The following XPO7 variants were observed in gnomAD, a reference collection of about 807,000 sequenced individuals.
XPO7 encodes exportin-7.
In XPO7, 21 loss-of-function variants were observed where a neutral mutation model predicts 144.3. The observed-to-expected ratio is 0.15, with a 90% confidence interval of 0.10 to 0.21. The LOEUF (loss-of-function observed/expected upper bound fraction) is 0.21. Among genes scored for constraint, XPO7 ranks in the 10% least tolerant of loss-of-function variants. The pLI is 1.00. For missense variants in XPO7, 808 were observed against 1,325.8 expected (o/e 0.61, Z 6.06); for synonymous variants, 580 against 499.6 (o/e 1.16, Z -2.15).
Position 22,002,278 on chromosome 8 carries a change from A to C in XPO7, c.2943+6A>C. On this transcript the variant is annotated splice_donor_region_variant and intron_variant, in intron 25 of 27. Coordinates refer to ENST00000252512, the MANE Select transcript of XPO7 (RefSeq NM_015024.5). ...ATCCAGAGATGATCCAGCAGGTAAG[A>C]AAGTGGAGGCTTAGGAGGCAGTGAT... 1 of 1,611,612 alleles carries C rather than the reference A, an allele frequency of 6.2e-7. No homozygotes were observed. The highest frequency in any genetic ancestry group is 8.5e-7 in the Non-Finnish European group (1 of 1,178,994).
chr8:21,945,125 A>T (rs1413140349), intron 1 of XPO7, among the ~76,000 whole-genome samples: 2 of 151,868 alleles, frequency 1.3e-5, no homozygotes, highest in Non-Finnish European at 2.9e-5. Flanking sequence ...TGTTGGGTAC[A>T]CCTCCCAGAC....
intron 6 of XPO7, among the ~76,000 whole-genome samples, chr8:21,975,122 G>GT (rs1452626591): frequency 6.6e-6 from 1 of 152,186 alleles, no homozygotes; most frequent in Non-Finnish European, 1.5e-5. Context: ...TTTCTATATG[G>GT]TGCGAAAGCA....
chr8:21,966,271 G>T (rs369363595), intron 1 of XPO7: 2 of 780,190 alleles, frequency 2.6e-6, no homozygotes, highest in African/African-American at 3.4e-5. Flanking sequence ...TGCAACAGAA[G>T]AGAGTCTGCT....
intron 1 of XPO7, among the ~76,000 whole-genome samples, chr8:21,940,786 A>G (rs1810964818): frequency 6.6e-6 from 1 of 152,006 alleles, no homozygotes; most frequent in South Asian, 2.1e-4. Flanking sequence ...AGGCATTTTC[A>G]TCGTCCTGTA....
intron 1 of XPO7, among the ~76,000 whole-genome samples, chr8:21,927,973 T>C (rs1288379943): frequency 6.6e-6 from 1 of 152,214 alleles, no homozygotes; most frequent in African/African-American, 2.4e-5. Context: ...AAATCTTTCC[T>C]TTTTACTAAA....
chr8:21,989,189 C>T, intron 16 of XPO7, 106 bp downstream of exon 16: 1 of 1,015,066 alleles, frequency 9.9e-7, no homozygotes, highest in Non-Finnish European at 1.4e-6. Flanking sequence ...GTAGTGTGTA[C>T]TCACATATCT....
At chr8:21,944,727 C>G (rs1288480915) in intron 1 of XPO7, among the ~76,000 whole-genome samples, 1 of 151,996 alleles carries the variant, frequency 6.6e-6, no homozygotes, top group African/African-American at 2.4e-5. Flanking sequence ...ACAAAGGTCT[C>G]CGGTTTTCCT....
intron 5 of XPO7, among the ~76,000 whole-genome samples, chr8:21,974,122 C>T (rs201132819): frequency 6.6e-6 from 1 of 152,024 alleles, no homozygotes; most frequent in Non-Finnish European, 1.5e-5. Flanking sequence ...AGTGCAGCCA[C>T]GAATGCCTGG....
chr8:21,946,019 C>T (rs1188765532), intron 1 of XPO7, among the ~76,000 whole-genome samples: 1 of 152,144 alleles, frequency 6.6e-6, no homozygotes, highest in Non-Finnish European at 1.5e-5. Flanking sequence ...GTTGTTAGCT[C>T]CCCATAGCCA....
intron 1 of XPO7, among the ~76,000 whole-genome samples, chr8:21,920,064 T>C (rs1429455317): frequency 6.6e-6 from 1 of 151,532 alleles, no homozygotes; most frequent in African/African-American, 2.4e-5. Context: ...CCCACAACGT[T>C]CGTCAGTCAC....
rs1585451954 is a variant in XPO7, at chr8:21,969,473, C to T, written c.166-10C>T. 6.2e-7 allele frequency: 1 copy of T among 1,611,246 alleles called. No individual in the cohort carries two copies. The highest frequency in any genetic ancestry group is 1.7e-5 in the Admixed American group (1 of 59,728). ...ACAATTTTAAGTCCTTTTTCCCTCT[C>T]TTTTCACAGTCCTCTTACTCCCAGT... On this transcript the variant is annotated splice_polypyrimidine_tract_variant and intron_variant, in intron 2 of 27. Transcript: ENST00000252512.
At chr8:21,981,991 G>T in intron 10 of XPO7, 114 bp downstream of exon 10, 1 of 1,382,910 alleles carries the variant, frequency 7.2e-7, no homozygotes. Flanking sequence ...CATAAGTCCA[G>T]TATAGCCCTA....
At chr8:21,993,667 A>G (rs1397474280) in intron 19 of XPO7, among the ~76,000 whole-genome samples, 1 of 151,818 alleles carries the variant, frequency 6.6e-6, no homozygotes, top group East Asian at 1.9e-4. Flanking sequence ...TGACTGGGGG[A>G]AGTTTTTTGG....
At chr8:21,923,935 A>G (rs1377765915) in intron 1 of XPO7, among the ~76,000 whole-genome samples, 1 of 152,190 alleles carries the variant, frequency 6.6e-6, no homozygotes, top group African/African-American at 2.4e-5. Context: ...TTGAAACTGC[A>G]TCTTTTTAAA....
intron 11 of XPO7, among the ~76,000 whole-genome samples, 169 bp from the exon 12 acceptor site, chr8:21,984,477 A>T (rs969721750): frequency 2.0e-5 from 3 of 152,224 alleles, no homozygotes; most frequent in Non-Finnish European, 4.4e-5. Context: ...GGGCGAAGAC[A>T]TTGGCCTTCT....
chr8:21,977,313 G>A (rs554241346), intron 7 of XPO7, among the ~76,000 whole-genome samples: 1 of 152,348 alleles, frequency 6.6e-6, no homozygotes, highest in East Asian at 1.9e-4. Context: ...GGGCGTGGTG[G>A]CTCACGCCTG....
At chr8:21,988,952 A>T (rs1413074834) in intron 15 of XPO7, 51 bp from the exon 16 acceptor site, 2 of 1,565,690 alleles carry the variant, frequency 1.3e-6, no homozygotes, top group East Asian at 4.5e-5. Flanking sequence ...CCTCAAGGAA[A>T]CCAGCAAATC....
At chr8:21,995,643 T>A (rs376982950) in intron 21 of XPO7, 44 bp downstream of exon 21, 6 of 1,450,560 alleles carry the variant, frequency 4.1e-6, no homozygotes, top group Non-Finnish European at 5.7e-6. Flanking sequence ...TGCCCTGTTA[T>A]CTGAGAGAAT....
intron 19 of XPO7, among the ~76,000 whole-genome samples, chr8:21,993,833 G>C (rs1225634781): frequency 6.6e-6 from 1 of 151,750 alleles, no homozygotes; most frequent in African/African-American, 2.4e-5. Context: ...GGGTATATAT[G>C]GCTCTTCTAC....
Sources: allele counts gnomAD v4.1 joint callset (sites outside exome capture counted in the v4.1 genomes callset), GRCh38; gene constraint gnomAD v4.1.1; transcripts MANE v1.5; gene names NCBI Gene and HGNC (gene_info 2026-07-23, HGNC 2026-07-21).